The following TRIP12 variants were observed in gnomAD, a reference collection of about 807,000 sequenced individuals.
TRIP12 encodes thyroid hormone receptor interactor 12.
Under a neutral mutation model 244.2 loss-of-function variants are expected in TRIP12, and 25 were observed. The ratio of observed to expected loss-of-function variants is 0.10; its 90% CI spans 0.07 to 0.14. TRIP12 has a LOEUF of 0.14. Among genes scored for constraint, TRIP12 ranks in the 10% least tolerant of loss-of-function variants. The pLI is 1.00. For missense variants in TRIP12, 1,677 were observed against 2,486.4 expected (o/e 0.67, Z 6.92); for synonymous variants, 905 against 873.1 (o/e 1.04, Z -0.64).
At chr2:229,878,739 C>T (rs2064166546) in intron 2 of TRIP12, among the ~76,000 whole-genome samples, 1 of 151,610 alleles carries the variant, frequency 6.6e-6, no homozygotes, top group African/African-American at 2.4e-5. Flanking sequence ...CACCACCATG[C>T]CCAGCTAAAT....
At chr2:229,875,909 C>A (rs2063496205) in intron 2 of TRIP12, among the ~76,000 whole-genome samples, 1 of 152,182 alleles carries the variant, frequency 6.6e-6, no homozygotes, top group South Asian at 2.1e-4. Context: ...TCCTCTCACT[C>A]CCAAAACTCC....
chr2:229,842,805 T>C lies in TRIP12; in HGVS notation c.1028-1878A>G, dbSNP rs1403757339. Reference sequence around the variant, plus strand: ...ACACTGCTGATTTGAAGTGATGACATATTTTTTAATCAAACTTTATTTTAC... The same window carrying C: ...ACACTGCTGATTTGAAGTGATGACACATTTTTTAATCAAACTTTATTTTAC... On this transcript the variant is annotated intron_variant, in intron 4 of 41. Coordinates refer to ENST00000675903, the MANE Select transcript of TRIP12 (RefSeq NM_001348323.3). Among the ~76,000 whole-genome samples, 4 of 152,350 alleles carry C rather than the reference T, an allele frequency of 2.6e-5. No individual in the cohort carries two copies. In the East Asian group the frequency reaches 7.7e-4, roughly 29 times the overall value.
At chr2:229,855,859 T>C (rs778674054) in intron 4 of TRIP12, among the ~76,000 whole-genome samples, 3 of 151,962 alleles carry the variant, frequency 2.0e-5, no homozygotes, top group Non-Finnish European at 4.4e-5. Flanking sequence ...CTGGTCAATA[T>C]GGCGAAACCC....
chr2:229,767,569 C>T lies in TRIP12; in HGVS notation c.6189G>A (p.Ser2063=), dbSNP rs757595371. The T allele has an allele frequency of 1.4e-5, 22 of 1,609,176 alleles. No individual in the cohort carries two copies. Among genetic ancestry groups the T allele is most frequent in the African/African-American group, 4.0e-5 (3 of 74,702 alleles). ...CTTGCTATGATCAGGAAAGATGGAA[C>T]GACTGCTGCCCTTCTCTTGCTGCTA... ...LLIAAREGQQ[S]FHLS The change falls in exon 42 of 42, where the codon TCG becomes TCA. Residue 2063 remains serine, a synonymous_variant. Coordinates refer to ENST00000675903, the MANE Select transcript of TRIP12 (RefSeq NM_001348323.3).
intron 1 of TRIP12, among the ~76,000 whole-genome samples, chr2:229,894,694 G>A (rs2068296741): frequency 6.6e-6 from 1 of 152,182 alleles, no homozygotes; most frequent in Non-Finnish European, 1.5e-5. Flanking sequence ...TTCAAATCAG[G>A]TGAATGATCC....
intron 1 of TRIP12, among the ~76,000 whole-genome samples, chr2:229,899,402 T>A (rs1281871933): frequency 6.6e-6 from 1 of 152,190 alleles, no homozygotes; most frequent in Non-Finnish European, 1.5e-5. Flanking sequence ...AAGAATGAGC[T>A]AGAATAAACT....
intron 2 of TRIP12, among the ~76,000 whole-genome samples, chr2:229,868,983 G>C (rs1347972706): frequency 6.6e-6 from 1 of 152,178 alleles, no homozygotes; most frequent in Non-Finnish European, 1.5e-5. Context: ...ACTGCTGGGG[G>C]AAGTTTTGGA....
At chr2:229,897,457 G>A (rs1383329625) in intron 1 of TRIP12, among the ~76,000 whole-genome samples, 1 of 152,112 alleles carries the variant, frequency 6.6e-6, no homozygotes, top group African/African-American at 2.4e-5. Context: ...AGACCAGCCT[G>A]GCCAATGTGG....
rs2031118787 is a variant in TRIP12, at chr2:229,764,141, G to A, written c.*3413C>T. 6.6e-6 allele frequency: 1 copy of A among 151,770 alleles called. No homozygotes were observed. Among genetic ancestry groups the A allele is most frequent in the Non-Finnish European group, 1.5e-5 (1 of 67,976 alleles). The allele number at this position is 151,770 out of a possible 1,614,324, so 9.4% of individuals were successfully genotyped here. A position where few individuals can be genotyped will look rare whatever the true frequency, so the allele number is the denominator to read the frequency against. On this transcript the variant is annotated 3_prime_UTR_variant, in exon 42 of 42. Transcript: ENST00000675903. ...CTTGCATAAGAATTGTTAACTTGAA[G>A]TTCTTGGAAAACAGCCAATCCTGTT...
At chr2:229,848,981 C>G (rs576741405) in intron 4 of TRIP12, among the ~76,000 whole-genome samples, 1 of 151,950 alleles carries the variant, frequency 6.6e-6, no homozygotes, top group East Asian at 1.9e-4. Context: ...AGAAATATTC[C>G]ACCAAAACAA....
At chr2:229,776,604 G>C (rs2036330412) in intron 37 of TRIP12, among the ~76,000 whole-genome samples, 1 of 152,092 alleles carries the variant, frequency 6.6e-6, no homozygotes, top group Admixed American at 6.6e-5. Context: ...CCTCACTACA[G>C]AATCTTAACT....
intron 4 of TRIP12, among the ~76,000 whole-genome samples, chr2:229,853,182 T>C (rs762804200): frequency 6.6e-6 from 1 of 152,126 alleles, no homozygotes; most frequent in Non-Finnish European, 1.5e-5. Flanking sequence ...TCTTAAAAAC[T>C]GGAAGAAAAC....
chr2:229,834,120 C>T (rs1309968266), intron 6 of TRIP12, among the ~76,000 whole-genome samples: 1 of 152,224 alleles, frequency 6.6e-6, no homozygotes, highest in Admixed American at 6.5e-5. Flanking sequence ...CCCGTTTAGT[C>T]TTAGCCTATC....
Position 229,836,952 on chromosome 2 carries a change from GCTC to G in TRIP12, c.1163_1165del (p.Gly388del), listed in dbSNP as rs2054982828. 1.3e-6 allele frequency: 2 copies of G among 1,590,558 alleles called. No homozygotes were observed. Among genetic ancestry groups the G allele is most frequent in the Non-Finnish European group, 1.7e-6 (2 of 1,171,826 alleles). On this transcript the variant is annotated inframe_deletion, in exon 6 of 42. Coordinates refer to ENST00000675903, the MANE Select transcript of TRIP12 (RefSeq NM_001348323.3). ...TTTCTCCTGTCGACGAGCTTCAGCTGCTCCTCTTTTGCCCAGGCCAGAGCCTCG... is the reference window on the plus strand; with the variant it reads ...TTTCTCCTGTCGACGAGCTTCAGCTGCTCTTTTGCCCAGGCCAGAGCCTCG...
intron 1 of TRIP12, among the ~76,000 whole-genome samples, chr2:229,892,104 A>G (rs1375034107): frequency 6.6e-6 from 1 of 152,228 alleles, no homozygotes; most frequent in Non-Finnish European, 1.5e-5. Flanking sequence ...GCTACAATGG[A>G]GCTCACCTCA....
At chr2:229,839,657 C>T (rs1181136403) in intron 5 of TRIP12, among the ~76,000 whole-genome samples, 4 of 148,424 alleles carry the variant, frequency 2.7e-5, no homozygotes, top group South Asian at 2.1e-4. Flanking sequence ...CCAGCCTGGG[C>T]GACAGAGTGA....
chr2:229,807,434 T>C lies in TRIP12; in HGVS notation c.2496+274A>G. 9 of 452,134 alleles carry C rather than the reference T, an allele frequency of 2.0e-5. No individual in the cohort carries two copies. In the South Asian group the frequency reaches 2.3e-4, roughly 12 times the overall value. The allele number at this position is 452,134 out of a possible 1,614,324, so 28.0% of individuals were successfully genotyped here. On this transcript the variant is annotated intron_variant, in intron 17 of 41. Transcript: ENST00000675903. ...GAAACCTACGGCCTAAGTCTTCCAA[T>C]GTTTCCTTTCAGAAATGAGGAAACT...
intron 2 of TRIP12, among the ~76,000 whole-genome samples, chr2:229,862,070 TG>T (rs1258071587): frequency 6.6e-6 from 1 of 152,194 alleles, no homozygotes; most frequent in Non-Finnish European, 1.5e-5. Flanking sequence ...TATTTTTTGG[TG>T]TTTCAGACAG....
chr2:229,915,541 G>A (rs768618524), intron 1 of TRIP12, among the ~76,000 whole-genome samples: 1 of 151,890 alleles, frequency 6.6e-6, no homozygotes, highest in East Asian at 1.9e-4. Context: ...GTCAACAAAC[G>A]CTTAATCCCT....
Sources: allele counts gnomAD v4.1 joint callset (sites outside exome capture counted in the v4.1 genomes callset), GRCh38; gene constraint gnomAD v4.1.1; transcripts MANE v1.5; gene names NCBI Gene and HGNC (gene_info 2026-07-23, HGNC 2026-07-21).